SH2D4B: variants seen among roughly 807,000 people sequenced by gnomAD.
The protein encoded by SH2D4B is SH2 domain-containing protein 4B.
SH2D4B carries 45 observed loss-of-function variants against 61.5 expected under a neutral mutation model. The ratio of observed to expected loss-of-function variants is 0.73; its 90% CI spans 0.58 to 0.94. The LOEUF (loss-of-function observed/expected upper bound fraction) is 0.94, where lower values mean the gene tolerates loss of function less well. SH2D4B is among the 40% of genes least tolerant of loss of function. The probability of loss-of-function intolerance (pLI) is 0.00; values close to 1 mark genes in which losing one functional copy is unlikely to be tolerated. For synonymous variants in SH2D4B, 224 were observed against 220.4 expected, an observed-to-expected ratio of 1.02 and a Z score of -0.14; for missense variants, 572 against 574.2, an observed-to-expected ratio of 1.00 and a Z score of 0.04.
At chr10:80,588,144 G>A (rs1381980530) in intron 3 of SH2D4B, among the ~76,000 whole-genome samples, 2 of 152,188 alleles carry the variant, frequency 1.3e-5, no homozygotes, top group African/African-American at 4.8e-5. Flanking sequence ...AGGTGCTGCA[G>A]CTGAGGAGAT....
chr10:80,630,668 A>T (rs543914188), intron 6 of SH2D4B, among the ~76,000 whole-genome samples: 1 of 152,332 alleles, frequency 6.6e-6, no homozygotes, highest in East Asian at 1.9e-4. Context: ...TCAGTTACTC[A>T]GGTCATCTTT....
intron 5 of SH2D4B, among the ~76,000 whole-genome samples, chr10:80,605,976 G>A (rs574282940): frequency 7.9e-5 from 12 of 152,320 alleles, no homozygotes; most frequent in African/African-American, 2.4e-4. Context: ...GCAGCCAATA[G>A]GGGAGCAGTG....
At chr10:80,573,391 A>ATT (rs138513515) in intron 3 of SH2D4B, among the ~76,000 whole-genome samples, 2,634 of 151,694 alleles carry the variant, frequency 0.017, 73 homozygotes, top group African/African-American at 0.059. Context: ...CTATCAGTCT[A>ATT]TTTATTTTCA....
chr10:80,572,273 A>T (rs1471424775), intron 3 of SH2D4B, among the ~76,000 whole-genome samples: 1 of 152,182 alleles, frequency 6.6e-6, no homozygotes, highest in Non-Finnish European at 1.5e-5. Context: ...CTCTTCTGGA[A>T]ATATTTATGA....
chr10:80,642,695 TC>T (rs1232469918), intron 7 of SH2D4B, among the ~76,000 whole-genome samples: 9 of 152,232 alleles, frequency 5.9e-5, no homozygotes, highest in African/African-American at 2.2e-4. Context: ...TTATCTGGCT[TC>T]CGATTTTTCA....
chr10:80,572,986 A>ATTTTTTTTTTTTTTTTTTTTT (rs61401607), intron 3 of SH2D4B, among the ~76,000 whole-genome samples: 1 of 8,874 alleles, frequency 1.1e-4, no homozygotes, highest in African/African-American at 3.7e-4. Flanking sequence ...ATATATATAT[A>ATTTTTTTTTTTTTTTTTTTTT]TTTTTTTTTT....
intron 4 of SH2D4B, among the ~76,000 whole-genome samples, chr10:80,595,040 A>T (rs1336566322): frequency 2.0e-5 from 3 of 152,248 alleles, no homozygotes; most frequent in Admixed American, 6.5e-5. Flanking sequence ...AAAAAATTAA[A>T]AAAATTTAAA....
chr10:80,616,580 G>A (rs939653433), intron 6 of SH2D4B, among the ~76,000 whole-genome samples: 4 of 129,730 alleles, frequency 3.1e-5, no homozygotes, highest in African/African-American at 6.8e-5. Context: ...TTGCTTCCAA[G>A]CCTCGCATCC....
intron 1 of SH2D4B, among the ~76,000 whole-genome samples, chr10:80,541,494 A>C (rs2132099400): frequency 6.6e-6 from 1 of 152,052 alleles, no homozygotes; most frequent in South Asian, 2.1e-4. Context: ...GCCCCTTGGG[A>C]TCCCTGAGCA....
intron 1 of SH2D4B, among the ~76,000 whole-genome samples, chr10:80,567,933 T>C (rs184933286): frequency 7.2e-4 from 110 of 152,304 alleles, no homozygotes; most frequent in Admixed American, 2.3e-3. Context: ...GGGGCTTCTG[T>C]TCGCTTCCAT....
chr10:80,635,371 G>A (rs182814049), intron 7 of SH2D4B, among the ~76,000 whole-genome samples: 194 of 152,298 alleles, frequency 1.3e-3, no homozygotes, highest in African/African-American at 4.3e-3. Context: ...TGGTAGCTCC[G>A]GCGTCCGACA....
intron 3 of SH2D4B, among the ~76,000 whole-genome samples, chr10:80,585,481 A>G (rs968003819): frequency 6.6e-6 from 1 of 151,926 alleles, no homozygotes; most frequent in Non-Finnish European, 1.5e-5. Context: ...TGCCCGACTA[A>G]TTTTTGTATT....
chr10:80,547,773 G>A (rs774873898), intron 1 of SH2D4B, among the ~76,000 whole-genome samples: 37 of 152,184 alleles, frequency 2.4e-4, no homozygotes, highest in Admixed American at 3.9e-4. Flanking sequence ...GAGGGACAGT[G>A]TCCAGAGCCC....
intron 1 of SH2D4B, among the ~76,000 whole-genome samples, chr10:80,546,665 A>ACT (rs1841685046): frequency 6.6e-6 from 1 of 151,436 alleles, no homozygotes; most frequent in Admixed American, 6.6e-5. Flanking sequence ...AGCTGGACCT[A>ACT]CAGGCGCCCA....
intron 7 of SH2D4B, among the ~76,000 whole-genome samples, chr10:80,637,715 G>C (rs1292209729): frequency 6.6e-6 from 1 of 152,180 alleles, no homozygotes; most frequent in African/African-American, 2.4e-5. Context: ...TAAATATACA[G>C]TCATGTCATC....
intron 3 of SH2D4B, among the ~76,000 whole-genome samples, chr10:80,571,866 G>T (rs559456778): frequency 6.7e-6 from 1 of 149,102 alleles, no homozygotes; most frequent in Non-Finnish European, 1.5e-5. Context: ...TCTGCCTCCC[G>T]GGTTCACGCC....
intron 3 of SH2D4B, among the ~76,000 whole-genome samples, chr10:80,578,004 T>C (rs1038724470): frequency 6.6e-6 from 1 of 151,776 alleles, no homozygotes; most frequent in Non-Finnish European, 1.5e-5. Context: ...AGGGTCCGGC[T>C]CTGTTACCCA....
At chr10:80,579,462 T>C (rs909727246) in intron 3 of SH2D4B, among the ~76,000 whole-genome samples, 1 of 152,120 alleles carries the variant, frequency 6.6e-6, no homozygotes, top group African/African-American at 2.4e-5. Context: ...CTTTCTTAAC[T>C]CCTAAAATTG....
chr10:80,572,955 TATATATA>T (rs1564771842), intron 3 of SH2D4B, among the ~76,000 whole-genome samples: 1 of 5,248 alleles, frequency 1.9e-4, no homozygotes, highest in Non-Finnish European at 3.5e-4. Context: ...AATATATATA[TATATATA>T]TATATATATA....
Sources: allele counts gnomAD v4.1 joint callset (sites outside exome capture counted in the v4.1 genomes callset), GRCh38; gene constraint gnomAD v4.1.1; transcripts MANE v1.5; gene names NCBI Gene and HGNC (gene_info 2026-07-23, HGNC 2026-07-21).